The following SRGN variants were observed in gnomAD, a reference collection of about 807,000 sequenced individuals.
SRGN encodes hematopoetic proteoglycan core peptide.
SRGN carries 2 observed loss-of-function variants against 9.5 expected under a neutral mutation model. The observed-to-expected ratio is 0.21, with a 90% CI of 0.09 to 0.66. The LOEUF (loss-of-function observed/expected upper bound fraction) is 0.66, where lower values mean the gene tolerates loss of function less well. SRGN is among the 30% of genes least tolerant of loss of function. The pLI is 0.83. For synonymous variants in SRGN, 59 were observed against 72.3 expected (o/e 0.82, Z 0.93); for missense variants, 170 against 192.4 (o/e 0.88, Z 0.69).
chr10:69,100,588 C>T (rs528232190), intron 2 of SRGN, among the ~76,000 whole-genome samples: 6 of 152,228 alleles, frequency 3.9e-5, no homozygotes, highest in East Asian at 1.9e-4. Flanking sequence ...CTTTCTTTCC[C>T]GTCATTGCGA....
Position 69,095,538 on chromosome 10 carries a change from G to A in SRGN, c.80-1546G>A, listed in dbSNP as rs150372544. On this transcript the variant is annotated intron_variant, in intron 1 of 2. Coordinates refer to ENST00000242465, the MANE Select transcript of SRGN (RefSeq NM_002727.4). ...GGAGGAGATGAACTTTTTGAAGGGC[G>A]GTGAAGTATTTCTCACCACCAGGCC... Among the ~76,000 whole-genome samples, 398 of 152,130 alleles carry A rather than the reference G, an allele frequency of 2.6e-3. 2 individuals are homozygous for A. Among genetic ancestry groups the A allele is most frequent in the African/African-American group, 9.2e-3 (384 of 41,516 alleles).
chr10:69,091,572 A>G (rs1447411041), intron 1 of SRGN, among the ~76,000 whole-genome samples: 1 of 152,102 alleles, frequency 6.6e-6, no homozygotes, highest in Non-Finnish European at 1.5e-5. Flanking sequence ...GCCTGCAGTA[A>G]GTTTCCATTA....
At chr10:69,102,069 C>T (rs1840304167) in intron 2 of SRGN, among the ~76,000 whole-genome samples, 1 of 151,904 alleles carries the variant, frequency 6.6e-6, no homozygotes, top group Admixed American at 6.6e-5. Context: ...AATGGTTGAC[C>T]ACTCCTTCCT....
At chr10:69,103,303 C>A (rs896039578) in intron 2 of SRGN, among the ~76,000 whole-genome samples, 36 of 49,736 alleles carry the variant, frequency 7.2e-4, no homozygotes, top group South Asian at 1.7e-3. Flanking sequence ...GTAATCCCAG[C>A]ACTTTGGGAG....
upstream of SRGN, chr10:69,088,022 G>T: frequency 1.5e-4 from 97 of 634,636 alleles, no homozygotes; most frequent in East Asian, 2.3e-4. Context: ...CTTTCTATTT[G>T]TTCAGGAAAT....
In SRGN at chr10:69,104,323, A is replaced by G; in HGVS notation, c.*203A>G. The G allele has an allele frequency of 1.9e-6, 1 of 522,790 alleles. No homozygotes were observed. Among genetic ancestry groups the G allele is most frequent in the East Asian group, 4.2e-5 (1 of 24,016 alleles). The allele number at this position is 522,790 out of a possible 1,614,324, so 32.4% of individuals were successfully genotyped here. A position where few individuals can be genotyped will look rare whatever the true frequency, so the allele number is the denominator to read the frequency against. The stretch of plus-strand genomic sequence containing the variant: ...CTGTTATCTATTTTATTGTTCTTGA[A>G]AATACCTGCATTTTTTGGTATCATG... On this transcript the variant is annotated 3_prime_UTR_variant, in exon 3 of 3. Coordinates refer to ENST00000242465, the MANE Select transcript of SRGN (RefSeq NM_002727.4).
chr10:69,093,714 A>G (rs1177852454), intron 1 of SRGN, among the ~76,000 whole-genome samples: 1 of 152,092 alleles, frequency 6.6e-6, no homozygotes, highest in Non-Finnish European at 1.5e-5. Flanking sequence ...AAAACTACAA[A>G]AAATTAGCCG....
In SRGN at chr10:69,104,462, A is replaced by G. The variant is rs1840358546; in HGVS notation, c.*342A>G. 6.1e-6 allele frequency: 1 copy of G among 162,614 alleles called. No individual in the cohort carries two copies. Among genetic ancestry groups the G allele is most frequent in the Non-Finnish European group, 1.3e-5 (1 of 74,474 alleles). The allele number at this position is 162,614 out of a possible 1,614,324, so 10.1% of individuals were successfully genotyped here. On this transcript the variant is annotated 3_prime_UTR_variant, in exon 3 of 3. Coordinates refer to ENST00000242465, the MANE Select transcript of SRGN (RefSeq NM_002727.4). The stretch of plus-strand genomic sequence containing the variant: ...GAAGCAAATTGGCAGGTAATATTTC[A>G]TACCTAAATTAAGACTCTGACTTGG...
At chr10:69,097,030 G>A in intron 1 of SRGN, 54 bp from the exon 2 acceptor site, 3 of 1,575,384 alleles carry the variant, frequency 1.9e-6, no homozygotes, top group Non-Finnish European at 2.6e-6. Context: ...TTAGGACAGA[G>A]TGATTAGAAG....
At chr10:69,091,560 A>G (rs1269748147) in intron 1 of SRGN, among the ~76,000 whole-genome samples, 1 of 152,094 alleles carries the variant, frequency 6.6e-6, no homozygotes, top group Non-Finnish European at 1.5e-5. Context: ...TTTCTCTAAC[A>G]TGCCTGCAGT....
rs531150820 is a variant in SRGN, at chr10:69,102,641, C to T, written c.228-1230C>T. Among the ~76,000 whole-genome samples, 6 of 152,234 alleles carry T rather than the reference C, an allele frequency of 3.9e-5. No individual in the cohort carries two copies. The East Asian group carries it at 5.8e-4, about 15-fold the overall frequency. ...GCCCTGTTCTGTCACCGAGGGCTGT[C>T]GTCATTGCTCTGGCCATTTTGTGCT... On this transcript the variant is annotated intron_variant, in intron 2 of 2. Coordinates refer to ENST00000242465, the MANE Select transcript of SRGN (RefSeq NM_002727.4).
intron 1 of SRGN, among the ~76,000 whole-genome samples, chr10:69,088,720 T>C (rs1202946922): frequency 2.6e-5 from 4 of 152,134 alleles, no homozygotes; most frequent in South Asian, 2.1e-4. Flanking sequence ...CTTTTCTTTT[T>C]TTTTTTTTTA....
rs377695012 is a variant in SRGN, at chr10:69,088,142, C to G, written c.-16C>G. The G allele has an allele frequency of 7.1e-5, 115 of 1,612,502 alleles. No homozygotes were observed. The highest frequency in any genetic ancestry group is 9.2e-5 in the Non-Finnish European group (108 of 1,178,676). On this transcript the variant is annotated 5_prime_UTR_variant, in exon 1 of 3. Transcript: ENST00000242465. The stretch of plus-strand genomic sequence containing the variant: ...AGAAGTTGGCGTGCAGCTGGGAGAG[C>G]TAGACTAAGTTGGTCATGATGCAGA...
chr10:69,097,252 T>C (rs1258635266), intron 2 of SRGN, 21 bp downstream of exon 2: 1 of 1,564,022 alleles, frequency 6.4e-7, no homozygotes, highest in Admixed American at 1.7e-5. Flanking sequence ...TTTTCTCTAA[T>C]TAATTAATTA....
In SRGN at chr10:69,104,175, C is replaced by T. The variant is rs982389035; in HGVS notation, c.*55C>T. On this transcript the variant is annotated 3_prime_UTR_variant, in exon 3 of 3. Transcript: ENST00000242465. ...AATGTAGTTAGCATATTTTATGTACCATGGTTATATGATTAATCTTGGGAC... is the reference window on the plus strand; with the variant it reads ...AATGTAGTTAGCATATTTTATGTACTATGGTTATATGATTAATCTTGGGAC... The T allele has an allele frequency of 6.4e-7, 1 of 1,565,990 alleles. No homozygotes were observed. The highest frequency in any genetic ancestry group is 8.7e-7 in the Non-Finnish European group (1 of 1,152,348).
chr10:69,095,649 G>A (rs768253990), intron 1 of SRGN, among the ~76,000 whole-genome samples: 55 of 152,122 alleles, frequency 3.6e-4, no homozygotes, highest in Non-Finnish European at 6.3e-4. Flanking sequence ...GGTGGCTCAC[G>A]CCTGTAATCC....
chr10:69,096,856 C>G (rs1840184876), intron 1 of SRGN, among the ~76,000 whole-genome samples: 1 of 151,918 alleles, frequency 6.6e-6, no homozygotes, highest in South Asian at 2.1e-4. Context: ...ACTAGCTGGG[C>G]GTTGTGGTGC....
chr10:69,099,603 C>T (rs751193762), intron 2 of SRGN, among the ~76,000 whole-genome samples: 1 of 152,126 alleles, frequency 6.6e-6, no homozygotes, highest in African/African-American at 2.4e-5. Flanking sequence ...CCATTCCCAG[C>T]GCTGGTGACT....
intron 2 of SRGN, among the ~76,000 whole-genome samples, chr10:69,101,957 G>A (rs1840300791): frequency 6.6e-6 from 1 of 152,078 alleles, no homozygotes; most frequent in South Asian, 2.1e-4. Context: ...GCTGAGGTGG[G>A]AGGATGGCTT....
Sources: gnomAD v4.1 joint callset for allele counts (sites outside exome capture counted in the v4.1 genomes callset) on GRCh38, gnomAD v4.1.1 for gene constraint, MANE v1.5 for transcripts, NCBI Gene and HGNC (gene_info 2026-07-23, HGNC 2026-07-21) for gene names.